ZC3H3: variants seen among roughly 807,000 people sequenced by gnomAD.
The protein encoded by ZC3H3 is zinc finger CCCH domain-containing protein 3.
In ZC3H3, 36 loss-of-function variants were observed where a neutral mutation model predicts 77.3. That is an observed-to-expected ratio of 0.47 (90% CI 0.36 to 0.61). The LOEUF is 0.61. Among genes scored for constraint, ZC3H3 ranks in the 20% least tolerant of loss-of-function variants. The pLI, the probability that ZC3H3 is intolerant of heterozygous loss-of-function variation, is 0.00. For synonymous variants in ZC3H3, 626 were observed against 555.2 expected (o/e 1.13, Z -1.79); for missense variants, 1,331 against 1,312.2 (o/e 1.01, Z -0.22).
chr8:143,510,238 A>AC (rs1318070765), intron 3 of ZC3H3, among the ~76,000 whole-genome samples: 3 of 151,942 alleles, frequency 2.0e-5, no homozygotes, highest in Non-Finnish European at 2.9e-5. Context: ...ACCTAGATAG[A>AC]CCCCTCTCCT....
chr8:143,510,534 C>T (rs1821839619), intron 3 of ZC3H3, among the ~76,000 whole-genome samples: 1 of 152,246 alleles, frequency 6.6e-6, no homozygotes, highest in African/African-American at 2.4e-5. Context: ...GCTCCTAAGA[C>T]CATGCATGGC....
At chr8:143,463,097 C>T (rs989809509) in intron 9 of ZC3H3, among the ~76,000 whole-genome samples, 1 of 152,070 alleles carries the variant, frequency 6.6e-6, no homozygotes, top group African/African-American at 2.4e-5. Flanking sequence ...AATTCTCCTG[C>T]CTCAGCCTCC....
Position 143,528,258 on chromosome 8 carries a change from G to C in ZC3H3, c.1561+7999C>G, listed in dbSNP as rs1822484354. Among the ~76,000 whole-genome samples, 2 of 152,220 alleles carry C rather than the reference G, an allele frequency of 1.3e-5. 1 individual carries two copies. Among genetic ancestry groups the C allele is most frequent in the South Asian group, 4.1e-4 (2 of 4,830 alleles). On this transcript the variant is annotated intron_variant, in intron 3 of 11. Transcript: ENST00000262577. ...GGGAGCCATATTGTTTCTGACCACA[G>C]CGCTCCAGCTCCCCACAAGGCTGGG...
chr8:143,506,696 G>A (rs559478711), intron 4 of ZC3H3, among the ~76,000 whole-genome samples: 1 of 152,342 alleles, frequency 6.6e-6, no homozygotes, highest in South Asian at 2.1e-4. Context: ...CAGCAGCAGG[G>A]CCAAGCTGAG....
chr8:143,446,227 T>C (rs907170452), intron 9 of ZC3H3, among the ~76,000 whole-genome samples: 2 of 152,178 alleles, frequency 1.3e-5, no homozygotes, highest in African/African-American at 4.8e-5. Flanking sequence ...ACAAAATATT[T>C]AGAGGCAACT....
chr8:143,512,241 T>C (rs899700034), intron 3 of ZC3H3, among the ~76,000 whole-genome samples: 1 of 152,212 alleles, frequency 6.6e-6, no homozygotes, highest in Non-Finnish European at 1.5e-5. Context: ...CTGAGGGCAT[T>C]CCGGCCAGTC....
intron 4 of ZC3H3, among the ~76,000 whole-genome samples, chr8:143,485,845 G>A (rs1047069906): frequency 1.3e-5 from 2 of 152,266 alleles, no homozygotes; most frequent in Non-Finnish European, 1.5e-5. Flanking sequence ...GGAGACCTGA[G>A]TGAAGAAAAA....
rs371544585 is a variant in ZC3H3 at position 143,441,014 on chromosome 8, C to T, written c.2414G>A (p.Arg805Gln). The T allele has an allele frequency of 3.3e-5, 49 of 1,474,370 alleles. No individual in the cohort carries two copies. Among genetic ancestry groups the T allele is most frequent in the African/African-American group, 2.1e-4 (14 of 67,676 alleles). The allele number at this position is 1,474,370 out of a possible 1,614,324, so 91.3% of individuals were successfully genotyped here. A position where few individuals can be genotyped will look rare whatever the true frequency, so the allele number is the denominator to read the frequency against. Residue 805 changes from arginine (R) to glutamine (Q), a missense_variant, in exon 10 of 12, where the codon CGG becomes CAG. By Grantham distance (43) the Arg-to-Gln change is conservative. Coordinates refer to ENST00000262577, the MANE Select transcript of ZC3H3 (RefSeq NM_015117.3). Reference protein sequence around the residue: ...LLHRTQKRHSRRAATSPAPGP... With the variant: ...LLHRTQKRHSQRAATSPAPGP... Reference sequence around the variant, plus strand: ...TGGGGCGGGGGACGTGGCTGCCCGCCGACTGTGGCGTTTCTGGGTACGGTG... The same window carrying T: ...TGGGGCGGGGGACGTGGCTGCCCGCTGACTGTGGCGTTTCTGGGTACGGTG...
chr8:143,525,689 G>C lies in ZC3H3; in HGVS notation c.1561+10568C>G, dbSNP rs545104420. Among the ~76,000 whole-genome samples the C allele has an allele frequency of 2.0e-4, 30 of 152,374 alleles. No homozygotes were observed. The East Asian group carries it at 5.6e-3, about 28-fold the overall frequency. ...CAGACAGCCCTGGTCTTCCTGCTAT[G>C]CCTTCCCATGCACCTCTCTACAGGA... On this transcript the variant is annotated intron_variant, in intron 3 of 11. Coordinates refer to ENST00000262577, the MANE Select transcript of ZC3H3 (RefSeq NM_015117.3).
Position 143,538,527 on chromosome 8 carries a change from C to G in ZC3H3, c.840G>C (p.Gly280=), listed in dbSNP as rs1372469230. 6.2e-7 allele frequency: 1 copy of G among 1,612,102 alleles called. No individual in the cohort carries two copies. The highest frequency in any genetic ancestry group is 1.3e-5 in the African/African-American group (1 of 74,958). The change falls in exon 2 of 12, where the codon GGG becomes GGC. Residue 280 remains glycine (G), a synonymous_variant. Coordinates refer to ENST00000262577, the MANE Select transcript of ZC3H3 (RefSeq NM_015117.3). ...GTCCTGAGGCCGGTCTGGCGGGGCC[C>G]CCCACTGAGCCAGACGGAACTGGCT... ...TDQPVPSGSV[G]GPARPASGPR... is the part of the protein sequence containing the mutation.
At position 143,505,495 on chromosome 8, in the gene ZC3H3, C is replaced by A. The variant is rs543489012; in HGVS notation, c.1715+2251G>T. On this transcript the variant is annotated intron_variant, in intron 4 of 11. Transcript: ENST00000262577. ...CAGGTGACCCTGGGCGAGGCAGGCC[C>A]AGCCCACTGGTGGCCATTCTTCCCA... Among the ~76,000 whole-genome samples, 219 of 152,340 alleles carry A rather than the reference C, an allele frequency of 1.4e-3. 1 individual carries two copies. The highest frequency in any genetic ancestry group is 4.9e-3 in the African/African-American group (203 of 41,588).
At chr8:143,474,475 C>T (rs904812345) in intron 5 of ZC3H3, among the ~76,000 whole-genome samples, 3 of 152,234 alleles carry the variant, frequency 2.0e-5, no homozygotes, top group African/African-American at 7.2e-5. Flanking sequence ...GCGACTCTGC[C>T]CAGGAAACAG....
chr8:143,468,667 G>A lies in ZC3H3; in HGVS notation c.1904-8C>T. 1.3e-6 allele frequency: 2 copies of A among 1,549,118 alleles called. No homozygotes were observed. The highest frequency in any genetic ancestry group is 1.7e-6 in the Non-Finnish European group (2 of 1,146,770). Reference sequence around the variant, plus strand: ...CTGCAGGATCCAGCCGGCCTGTGGGGGAGAGAGGCACGGGTCATAGCAGGC... The same window carrying A: ...CTGCAGGATCCAGCCGGCCTGTGGGAGAGAGAGGCACGGGTCATAGCAGGC... On this transcript the variant is annotated splice_region_variant and splice_polypyrimidine_tract_variant and intron_variant, in intron 5 of 11. Transcript: ENST00000262577.
intron 3 of ZC3H3, among the ~76,000 whole-genome samples, chr8:143,525,988 G>C (rs1377368737): frequency 2.0e-5 from 3 of 152,264 alleles, no homozygotes; most frequent in Non-Finnish European, 4.4e-5. Flanking sequence ...GGCTGGCCCA[G>C]AGCCCAGGGT....
chr8:143,442,385 G>A (rs1262763558), intron 9 of ZC3H3, among the ~76,000 whole-genome samples: 1 of 144,824 alleles, frequency 6.9e-6, no homozygotes, highest in Non-Finnish European at 1.5e-5. Context: ...CTGCAGCAGA[G>A]CAGGCTTCAG....
chr8:143,507,186 C>T (rs552848417), intron 4 of ZC3H3, among the ~76,000 whole-genome samples: 43 of 152,358 alleles, frequency 2.8e-4, no homozygotes, highest in Non-Finnish European at 5.6e-4. Context: ...GATAGCGGCC[C>T]CAGGAGGGCA....
intron 3 of ZC3H3, among the ~76,000 whole-genome samples, chr8:143,515,636 C>G (rs10099676): frequency 6.6e-6 from 1 of 152,064 alleles, no homozygotes; most frequent in Non-Finnish European, 1.5e-5. Flanking sequence ...CTCTGCCCCT[C>G]CTGGCCACCA....
At chr8:143,532,332 G>A (rs918831454) in intron 3 of ZC3H3, among the ~76,000 whole-genome samples, 9 of 152,376 alleles carry the variant, frequency 5.9e-5, no homozygotes, top group South Asian at 2.1e-4. Flanking sequence ...GGAGGGAGGC[G>A]GCAGCAGGGC....
chr8:143,453,276 A>G (rs960907958), intron 9 of ZC3H3, among the ~76,000 whole-genome samples: 2 of 151,568 alleles, frequency 1.3e-5, no homozygotes, highest in South Asian at 2.1e-4. Context: ...TTTTAAAGAG[A>G]TGGGGTTTTG....
Sources: gnomAD v4.1 joint callset for allele counts (sites outside exome capture counted in the v4.1 genomes callset) on GRCh38, gnomAD v4.1.1 for gene constraint, MANE v1.5 for transcripts, NCBI Gene and HGNC (gene_info 2026-07-23, HGNC 2026-07-21) for gene names.